PIK3R5: variants seen among roughly 807,000 people sequenced by gnomAD.
PIK3R5 encodes the protein phosphoinositide 3-kinase regulatory subunit 5.
In PIK3R5, 32 loss-of-function variants were observed where a neutral mutation model predicts 94.9. The observed-to-expected ratio is 0.34, with a 90% CI of 0.25 to 0.45. The LOEUF is 0.45. Among genes scored for constraint, PIK3R5 ranks in the 20% least tolerant of loss-of-function variants. PIK3R5 has a pLI of 1.00. For synonymous variants in PIK3R5, 443 were observed against 479.4 expected (o/e 0.92, Z 0.99); for missense variants, 853 against 1,144.6 (o/e 0.75, Z 3.68).
chr17:8,888,387 A>G lies in PIK3R5; in HGVS notation c.1400T>C (p.Val467Ala), dbSNP rs2151368976. Residue 467 changes from valine (V) to alanine (A), a missense_variant, in exon 10 of 19, where the codon GTA (valine) becomes GCA (alanine). Physicochemically the swap from Val to Ala is moderately conservative, Grantham distance 64. Transcript: ENST00000447110. The surrounding 1 kb of genome is among the most constrained non-coding windows in gnomAD (Gnocchi z 7.8). ...GCGCTGGGCCCGGGAAGGGGGTGAT[A>G]CTGGTTCGTCCAGGGGGCTGCAGAG... ...GSLCSPLDEPVSPPSRAQRSR... is the reference protein window; with the variant it reads ...GSLCSPLDEPASPPSRAQRSR... 1 of 1,601,248 alleles carries G rather than the reference A, an allele frequency of 6.2e-7. No homozygotes were observed. The highest frequency in any genetic ancestry group is 8.5e-7 in the Non-Finnish European group (1 of 1,176,150).
chr17:8,911,542 G>A lies in PIK3R5; in HGVS notation c.-13-35C>T, dbSNP rs773453989. On this transcript the variant is annotated intron_variant, in intron 1 of 18. Coordinates refer to ENST00000447110, the MANE Select transcript of PIK3R5 (RefSeq NM_001142633.3). This position sits in a 1 kb window ranked among gnomAD's most constrained non-coding sequence, Gnocchi z 5.3. ...GGACAGACGCCGGTCAGCTTGTCGA[G>A]CTCCTTTCCCAGAGAGCACCTGGTC... is the stretch of plus-strand genomic sequence containing the variant. 3 of 1,428,298 alleles carry A rather than the reference G, an allele frequency of 2.1e-6. No individual in the cohort carries two copies. Among genetic ancestry groups the A allele is most frequent in the Non-Finnish European group, 2.9e-6 (3 of 1,031,306 alleles). The allele number at this position is 1,428,298 out of a possible 1,614,324, so 88.5% of individuals were successfully genotyped here.
At chr17:8,905,084 T>C (rs2090365102) in intron 4 of PIK3R5, among the ~76,000 whole-genome samples, 169 bp from the exon 5 acceptor site, 1 of 151,620 alleles carries the variant, frequency 6.6e-6, no homozygotes, top group Admixed American at 6.6e-5. Context: ...TCACAGGGAG[T>C]GGGTTACAGA....
At chr17:8,938,109 C>A (rs771324828) in intron 1 of PIK3R5, among the ~76,000 whole-genome samples, 1 of 152,170 alleles carries the variant, frequency 6.6e-6, no homozygotes, top group Non-Finnish European at 1.5e-5. Flanking sequence ...CCGCACCCGG[C>A]CATTTTTTCT....
At chr17:8,963,399 T>C (rs764591323) in intron 1 of PIK3R5, among the ~76,000 whole-genome samples, 5 of 152,172 alleles carry the variant, frequency 3.3e-5, no homozygotes, top group East Asian at 1.9e-4. Context: ...CCCTGATGGA[T>C]GGCTAACACA....
rs945526504 is a variant in PIK3R5 at position 8,893,532 on chromosome 17, G to T, written c.482+54C>A. On this transcript the variant is annotated intron_variant, in intron 6 of 18. Coordinates refer to ENST00000447110, the MANE Select transcript of PIK3R5 (RefSeq NM_001142633.3). This position sits in a 1 kb window ranked among gnomAD's most constrained non-coding sequence, Gnocchi z 5.1. ...GGGAGGAGGGTGAAGGTGGAACAGTGCAGGGGTCCCAAACTCCCTCCCCAC... is the reference window on the plus strand; with the variant it reads ...GGGAGGAGGGTGAAGGTGGAACAGTTCAGGGGTCCCAAACTCCCTCCCCAC... The T allele has an allele frequency of 3.6e-6, 5 of 1,396,548 alleles. No homozygotes were observed. The African/African-American group carries it at 4.2e-5, about 12-fold the overall frequency. The allele number at this position is 1,396,548 out of a possible 1,614,324, so 86.5% of individuals were successfully genotyped here.
At position 8,893,453 on chromosome 17, in the gene PIK3R5, T is replaced by A. The variant is rs1326567139; in HGVS notation, c.482+133A>T. The A allele has an allele frequency of 1.4e-6, 1 of 703,876 alleles. No homozygotes were observed. Among genetic ancestry groups the A allele is most frequent in the Non-Finnish European group, 2.5e-6 (1 of 394,586 alleles). 43.6% of individuals were successfully genotyped at this position (703,876 alleles called of 1,614,324 possible). A position where few individuals can be genotyped will look rare whatever the true frequency, so the allele number is the denominator to read the frequency against. ...GGGGGTTCCCAGTTCCCTGGAAGCC[T>A]GTTTGTTGCTGGCTGGGGTGGACAG... is the stretch of plus-strand genomic sequence containing the variant. On this transcript the variant is annotated intron_variant, in intron 6 of 18. Transcript: ENST00000447110. This position sits in a 1 kb window ranked among gnomAD's most constrained non-coding sequence, Gnocchi z 5.1.
In PIK3R5 at chr17:8,888,369, G is replaced by A; in HGVS notation, c.1418C>T (p.Ala473Val). 6.2e-7 allele frequency: 1 copy of A among 1,608,922 alleles called. No individual in the cohort carries two copies. The highest frequency in any genetic ancestry group is 8.5e-7 in the Non-Finnish European group (1 of 1,178,788). ...CTGGGGCAGGGAGCGGGAGCGCTGG[G>A]CCCGGGAAGGGGGTGATACTGGTTC... is the stretch of plus-strand genomic sequence containing the variant. Reference protein sequence around the residue: ...LDEPVSPPSRAQRSRSLPQPK... With the variant: ...LDEPVSPPSRVQRSRSLPQPK... Residue 473 changes from alanine (A) to valine (V), a missense_variant, in exon 10 of 19, where the codon GCC (alanine) becomes GTC (valine). Coordinates refer to ENST00000447110, the MANE Select transcript of PIK3R5 (RefSeq NM_001142633.3). The surrounding 1 kb of genome is among the most constrained non-coding windows in gnomAD (Gnocchi z 7.8).
intron 15 of PIK3R5, among the ~76,000 whole-genome samples, chr17:8,883,005 G>T (rs2089718019): frequency 6.6e-6 from 1 of 152,178 alleles, no homozygotes; most frequent in Non-Finnish European, 1.5e-5. Flanking sequence ...TCATGTCACA[G>T]GCATTCCCAG....
Position 8,881,496 on chromosome 17 carries a change from C to A in PIK3R5, c.2382+134G>T, listed in dbSNP as rs1316548273. On this transcript the variant is annotated intron_variant, in intron 17 of 18. Transcript: ENST00000447110. The surrounding 1 kb of genome is among the most constrained non-coding windows in gnomAD (Gnocchi z 4.8). ...CTCTCCTCTCTCTCTCACACACACACAAGTATGTACACACGGGTGTGTATG... is the reference window on the plus strand; with the variant it reads ...CTCTCCTCTCTCTCTCACACACACAAAAGTATGTACACACGGGTGTGTATG... The A allele has an allele frequency of 8.0e-6, 6 of 746,028 alleles. No individual in the cohort carries two copies. The East Asian group carries it at 1.3e-4, about 17-fold the overall frequency. 46.2% of individuals were successfully genotyped at this position (746,028 alleles called of 1,614,324 possible).
intron 1 of PIK3R5, among the ~76,000 whole-genome samples, chr17:8,926,343 G>A (rs1413566588): frequency 6.6e-6 from 1 of 152,054 alleles, no homozygotes; most frequent in South Asian, 2.1e-4. Flanking sequence ...AATGCCCCAG[G>A]ATCCAAAAGA....
Position 8,890,529 on chromosome 17 carries a change from C to A in PIK3R5, c.657+209G>T, listed in dbSNP as rs2089996057. On this transcript the variant is annotated intron_variant, in intron 7 of 18. Coordinates refer to ENST00000447110, the MANE Select transcript of PIK3R5 (RefSeq NM_001142633.3). This position sits in a 1 kb window ranked among gnomAD's most constrained non-coding sequence, Gnocchi z 6.1. ...GAGGCACCAGTTATCAGCACCCAGT[C>A]CTACTGCCCAGGCTGCCACCCAGCT... 6.6e-6 allele frequency among the ~76,000 whole-genome samples: 1 copy of A among 152,356 alleles called. No individual in the cohort carries two copies. The highest frequency in any genetic ancestry group is 2.1e-4 in the South Asian group (1 of 4,830).
At position 8,892,161 on chromosome 17, in the gene PIK3R5, G is replaced by T. The variant is rs534782935; in HGVS notation, c.483-1249C>A. On this transcript the variant is annotated intron_variant, in intron 6 of 18. Transcript: ENST00000447110. This position sits in a 1 kb window ranked among gnomAD's most constrained non-coding sequence, Gnocchi z 4.3. ...TAAACCCAGTGCAAAGGAGCACCAC[G>T]CAGGGCAGCATTCCCTCCACACTCT... 2.6e-5 allele frequency among the ~76,000 whole-genome samples: 4 copies of T among 152,238 alleles called. No individual in the cohort carries two copies. In the East Asian group the frequency reaches 7.7e-4, roughly 29 times the overall value.
chr17:8,881,580 C>T lies in PIK3R5; in HGVS notation c.2382+50G>A, dbSNP rs780987053. 18 of 1,199,198 alleles carry T rather than the reference C, an allele frequency of 1.5e-5. 1 individual carries two copies. In the Middle Eastern group the frequency reaches 2.4e-3, roughly 159 times the overall value. The allele number at this position is 1,199,198 out of a possible 1,614,324, so 74.3% of individuals were successfully genotyped here. On this transcript the variant is annotated intron_variant, in intron 17 of 18. Transcript: ENST00000447110. This position sits in a 1 kb window ranked among gnomAD's most constrained non-coding sequence, Gnocchi z 4.8. ...ACGTACACACATACGCACATGCACG[C>T]TCCAGTAAGTCTCTTGAGGGTATGG...
chr17:8,885,847 G>A (rs1204196398), intron 14 of PIK3R5, among the ~76,000 whole-genome samples: 11 of 30,826 alleles, frequency 3.6e-4, no homozygotes, highest in East Asian at 9.8e-4. Context: ...CCAGGGCCCC[G>A]CCTCCTGGGT....
At chr17:8,895,829 A>G (rs2151383156) in intron 5 of PIK3R5, among the ~76,000 whole-genome samples, 2 of 152,224 alleles carry the variant, frequency 1.3e-5, no homozygotes, top group Middle Eastern at 6.8e-3. Flanking sequence ...TGACCCAGAG[A>G]GAGTGATTTT....
At chr17:8,936,318 C>T (rs2091075762) in intron 1 of PIK3R5, among the ~76,000 whole-genome samples, 2 of 152,146 alleles carry the variant, frequency 1.3e-5, no homozygotes, top group South Asian at 4.1e-4. Flanking sequence ...TTGTGTTGTA[C>T]AATTCTATGA....
In PIK3R5 at chr17:8,881,776, C is replaced by T; in HGVS notation, c.2299+12G>A. On this transcript the variant is annotated intron_variant, in intron 16 of 18. Coordinates refer to ENST00000447110, the MANE Select transcript of PIK3R5 (RefSeq NM_001142633.3). The surrounding 1 kb of genome is among the most constrained non-coding windows in gnomAD (Gnocchi z 4.8). Reference sequence around the variant, plus strand: ...TCCCTACTGCACACCCCACACTGACCACCCCACTCACCCAGCTCCTCCTGC... The same window carrying T: ...TCCCTACTGCACACCCCACACTGACTACCCCACTCACCCAGCTCCTCCTGC... 1.2e-6 allele frequency: 2 copies of T among 1,613,614 alleles called. No homozygotes were observed. The highest frequency in any genetic ancestry group is 1.1e-5 in the South Asian group (1 of 91,070).
In PIK3R5 at chr17:8,909,277, G is replaced by T; in HGVS notation, c.104-103C>A. On this transcript the variant is annotated intron_variant, in intron 2 of 18. Transcript: ENST00000447110. The surrounding 1 kb of genome is among the most constrained non-coding windows in gnomAD (Gnocchi z 4.3). Reference sequence around the variant, plus strand: ...CATTTATGCTGGAACATTTTTCTGTGGTATTGCACTGGAACACTCTTTTTT... The same window carrying T: ...CATTTATGCTGGAACATTTTTCTGTTGTATTGCACTGGAACACTCTTTTTT... 1 of 690,264 alleles carries T rather than the reference G, an allele frequency of 1.4e-6. No homozygotes were observed. The highest frequency in any genetic ancestry group is 2.5e-6 in the Non-Finnish European group (1 of 394,504). The allele number at this position is 690,264 out of a possible 1,614,324, so 42.8% of individuals were successfully genotyped here. A position where few individuals can be genotyped will look rare whatever the true frequency, so the allele number is the denominator to read the frequency against.
rs1288211466 is a variant in PIK3R5, at chr17:8,925,228, T to C, written c.-13-13721A>G. ...GATAGATAGATAGATAGTAGATGGA[T>C]AGATAGATAGTAGATGGGTAGATAG... On this transcript the variant is annotated intron_variant, in intron 1 of 18. Coordinates refer to ENST00000447110, the MANE Select transcript of PIK3R5 (RefSeq NM_001142633.3). This position sits in a 1 kb window ranked among gnomAD's most constrained non-coding sequence, Gnocchi z 5.1. 1.3e-5 allele frequency among the ~76,000 whole-genome samples: 2 copies of C among 148,802 alleles called. No homozygotes were observed. The highest frequency in any genetic ancestry group is 1.3e-4 in the Admixed American group (2 of 15,118).
Sources: allele counts gnomAD v4.1 joint callset (sites outside exome capture counted in the v4.1 genomes callset), GRCh38; gene constraint gnomAD v4.1.1; non-coding constraint Gnocchi (gnomAD v3.1); transcripts MANE v1.5; gene names NCBI Gene and HGNC (gene_info 2026-07-23, HGNC 2026-07-21).